The following MME variants were observed in gnomAD, a reference collection of about 807,000 sequenced individuals.
The protein encoded by MME is membrane metalloendopeptidase.
MME carries 98 observed loss-of-function variants against 113.2 expected under a neutral mutation model. The observed-to-expected ratio is 0.87, with a 90% CI of 0.74 to 1.02. MME has a LOEUF of 1.02. Among genes scored for constraint, MME ranks in the 50% least tolerant of loss-of-function variants. MME has a pLI of 0.00. For missense variants in MME, 836 were observed against 896.0 expected (o/e 0.93, Z 0.86); for synonymous variants, 292 against 300.6 (o/e 0.97, Z 0.30).
chr3:155,094,375 C>T (rs901976447), intron 3 of MME, among the ~76,000 whole-genome samples: 4 of 152,174 alleles, frequency 2.6e-5, no homozygotes, highest in South Asian at 2.1e-4. Flanking sequence ...CAAAGACTAA[C>T]GACAGCCTAT....
chr3:155,072,713 A>T (rs1714621848), intron 1 of MME, among the ~76,000 whole-genome samples: 1 of 152,190 alleles, frequency 6.6e-6, no homozygotes, highest in African/African-American at 2.4e-5. Flanking sequence ...TTTGAAAATT[A>T]TTATAGACCA....
At chr3:155,153,700 T>A (rs147159372) in intron 16 of MME, among the ~76,000 whole-genome samples, 2 of 152,290 alleles carry the variant, frequency 1.3e-5, no homozygotes, top group Non-Finnish European at 2.9e-5. Context: ...TGGAGTTAAC[T>A]TTTTATAAAG....
At chr3:155,027,598 T>A (rs1024637909) in intron 1 of MME, among the ~76,000 whole-genome samples, 3 of 152,238 alleles carry the variant, frequency 2.0e-5, no homozygotes, top group African/African-American at 7.2e-5. Context: ...CTCTATTCAA[T>A]CTTAAAGGCC....
chr3:155,033,626 A>G (rs930181952), intron 1 of MME, among the ~76,000 whole-genome samples: 1 of 152,190 alleles, frequency 6.6e-6, no homozygotes, highest in African/African-American at 2.4e-5. Context: ...TTAAAAGGCA[A>G]CATTTGTTGG....
chr3:155,180,598 T>C lies in MME; in HGVS notation c.*139T>C, dbSNP rs555331465. ...ATTAACAGAGAGGGCACCATCACAA[T>C]ACAGATAACATTAGGTTGTCCTAGA... On this transcript the variant is annotated 3_prime_UTR_variant, in exon 23 of 23. Transcript: ENST00000360490. 5.3e-5 allele frequency: 38 copies of C among 723,564 alleles called. No individual in the cohort carries two copies. The East Asian group carries it at 9.6e-4, about 18-fold the overall frequency. 44.8% of individuals were successfully genotyped at this position (723,564 alleles called of 1,614,324 possible). A position where few individuals can be genotyped will look rare whatever the true frequency, so the allele number is the denominator to read the frequency against.
chr3:155,177,555 T>G (rs1712665396), intron 22 of MME, among the ~76,000 whole-genome samples: 2 of 152,146 alleles, frequency 1.3e-5, no homozygotes, highest in African/African-American at 4.8e-5. Flanking sequence ...CAATGGAAAT[T>G]TGTTTCTCAC....
At chr3:155,113,730 A>C (rs537510236) in intron 3 of MME, among the ~76,000 whole-genome samples, 1 of 152,288 alleles carries the variant, frequency 6.6e-6, no homozygotes, top group Non-Finnish European at 1.5e-5. Flanking sequence ...TACCAATCAG[A>C]ATGAGAGGTA....
At chr3:155,117,114 A>G in intron 7 of MME, 128 bp downstream of exon 7, 1 of 690,054 alleles carries the variant, frequency 1.4e-6, no homozygotes, top group Non-Finnish European at 2.6e-6. Flanking sequence ...GAGGTAGTAT[A>G]TCCATGCTCT....
intron 8 of MME, among the ~76,000 whole-genome samples, chr3:155,124,723 G>C (rs1410861526): frequency 6.6e-6 from 1 of 151,744 alleles, no homozygotes; most frequent in African/African-American, 2.4e-5. Context: ...CTCCCAGTTA[G>C]GCTGCTCGGG....
chr3:155,119,198 T>A (rs915053115), intron 8 of MME, among the ~76,000 whole-genome samples: 24 of 152,170 alleles, frequency 1.6e-4, no homozygotes, highest in African/African-American at 5.8e-4. Context: ...AGATACACTC[T>A]GCAGCATCCT....
intron 1 of MME, among the ~76,000 whole-genome samples, chr3:155,073,863 C>T (rs187283703): frequency 2.5e-4 from 38 of 151,856 alleles, no homozygotes; most frequent in Admixed American, 2.0e-3. Flanking sequence ...CTTGTAAAAA[C>T]GCAATTAATT....
chr3:155,148,822 A>G (rs1232220629), intron 16 of MME, among the ~76,000 whole-genome samples, 169 bp downstream of exon 16: 2 of 152,186 alleles, frequency 1.3e-5, no homozygotes, highest in African/African-American at 2.4e-5. Flanking sequence ...AAAGATATGG[A>G]TCAAGACTTT....
chr3:155,069,981 C>A (rs1248509275), intron 1 of MME, among the ~76,000 whole-genome samples: 1 of 152,086 alleles, frequency 6.6e-6, no homozygotes, highest in Non-Finnish European at 1.5e-5. Flanking sequence ...GATTGTTTTC[C>A]TTTTGGAATG....
intron 8 of MME, among the ~76,000 whole-genome samples, chr3:155,122,318 A>T: frequency 6.8e-6 from 1 of 147,774 alleles, no homozygotes. Flanking sequence ...TTTTTTCTTT[A>T]TTAGTCTTAC....
chr3:155,140,161 T>C (rs748180326), intron 9 of MME, 30 bp from the exon 10 acceptor site: 8 of 1,501,370 alleles, frequency 5.3e-6, no homozygotes, highest in Non-Finnish European at 7.4e-6. Flanking sequence ...TTCTTAATTC[T>C]AAAATAATGA....
intron 22 of MME, among the ~76,000 whole-genome samples, chr3:155,175,947 C>G (rs973267351): frequency 5.9e-5 from 9 of 152,104 alleles, no homozygotes; most frequent in Non-Finnish European, 1.3e-4. Context: ...GTTAGCCCCT[C>G]CAATCTTTAG....
intron 1 of MME, among the ~76,000 whole-genome samples, chr3:155,050,170 T>C (rs2108127303): frequency 6.6e-6 from 1 of 152,340 alleles, no homozygotes; most frequent in Non-Finnish European, 1.5e-5. Context: ...GATTTCATTC[T>C]TTTTTATGGC....
At chr3:155,134,726 AG>A (rs1559940812) in intron 8 of MME, among the ~76,000 whole-genome samples, 1 of 152,176 alleles carries the variant, frequency 6.6e-6, no homozygotes, top group Non-Finnish European at 1.5e-5. Context: ...TGCTTTCTGT[AG>A]AGGCTAAACT....
At chr3:155,168,407 T>C in intron 18 of MME, 85 bp from the exon 19 acceptor site, 1 of 1,176,754 alleles carries the variant, frequency 8.5e-7, no homozygotes, top group East Asian at 2.5e-5. Flanking sequence ...CACAGCAGTA[T>C]TTCAGTCCTT....
Sources: gnomAD v4.1 joint callset for allele counts (sites outside exome capture counted in the v4.1 genomes callset) on GRCh38, gnomAD v4.1.1 for gene constraint, MANE v1.5 for transcripts, NCBI Gene and HGNC (gene_info 2026-07-23, HGNC 2026-07-21) for gene names.